Variants in CACNA2D3 observed in about 807,000 individuals in gnomAD.
CACNA2D3 encodes the protein calcium voltage-gated channel auxiliary subunit alpha2delta 3.
A neutral mutation model predicts 160.6 loss-of-function variants in CACNA2D3; 60 were observed. The ratio of observed to expected loss-of-function variants is 0.37; its 90% CI spans 0.30 to 0.46. CACNA2D3 has a LOEUF of 0.46. CACNA2D3 is among the 20% of genes least tolerant of loss of function. CACNA2D3 has a pLI of 1.00. For missense variants in CACNA2D3, 1,205 were observed against 1,365.0 expected (o/e 0.88, Z 1.85); for synonymous variants, 558 against 492.9 (o/e 1.13, Z -1.75).
At chr3:54,844,745 T>G (rs943951236) in intron 16 of CACNA2D3, among the ~76,000 whole-genome samples, 1 of 152,102 alleles carries the variant, frequency 6.6e-6, no homozygotes, top group African/African-American at 2.4e-5. Flanking sequence ...ACTATAAGAG[T>G]ACAGGCATTA....
At chr3:54,476,857 G>T (rs1373728175) in intron 4 of CACNA2D3, among the ~76,000 whole-genome samples, 3 of 152,136 alleles carry the variant, frequency 2.0e-5, no homozygotes, top group Admixed American at 6.6e-5. Context: ...GGATTTGAAG[G>T]CAGTTTCACA....
intron 2 of CACNA2D3, among the ~76,000 whole-genome samples, chr3:54,167,020 A>G (rs1700471856): frequency 6.6e-6 from 1 of 152,192 alleles, no homozygotes; most frequent in African/African-American, 2.4e-5. Context: ...GTTTTAGGGA[A>G]AAGGATTCCA....
chr3:54,623,386 C>A (rs1434143759), intron 9 of CACNA2D3, among the ~76,000 whole-genome samples: 1 of 152,182 alleles, frequency 6.6e-6, no homozygotes, highest in African/African-American at 2.4e-5. Flanking sequence ...GCTCAATGCC[C>A]GTGCACAACT....
chr3:54,793,614 C>T lies in CACNA2D3; in HGVS notation c.1381-23239C>T, dbSNP rs138760540. Among the ~76,000 whole-genome samples, 257 of 152,264 alleles carry T rather than the reference C, an allele frequency of 1.7e-3. 1 individual carries two copies. The highest frequency in any genetic ancestry group is 5.7e-3 in the African/African-American group (237 of 41,550). On this transcript the variant is annotated intron_variant, in intron 13 of 37. Transcript: ENST00000474759. ...TGGGGCAAAAGCCTCTTACAGCCCT[C>T]GCCTAGAACTCTAATGGATGAGGCC... is the stretch of plus-strand genomic sequence containing the variant.
rs1701572697 is a variant in CACNA2D3, at chr3:54,517,555, A to G, written c.544+13901A>G. 2.6e-5 allele frequency among the ~76,000 whole-genome samples: 4 copies of G among 152,226 alleles called. No individual in the cohort carries two copies. In the South Asian group the frequency reaches 8.3e-4, roughly 31 times the overall value. Reference sequence around the variant, plus strand: ...CACAGGCTGTGCCCACCTGCTGCACAGGCTGTAAACACTGAGTATCACCCA... The same window carrying G: ...CACAGGCTGTGCCCACCTGCTGCACGGGCTGTAAACACTGAGTATCACCCA... On this transcript the variant is annotated intron_variant, in intron 5 of 37. Coordinates refer to ENST00000474759, the MANE Select transcript of CACNA2D3 (RefSeq NM_018398.3).
intron 8 of CACNA2D3, among the ~76,000 whole-genome samples, chr3:54,576,387 T>G (rs1702582697): frequency 6.6e-6 from 1 of 152,178 alleles, no homozygotes; most frequent in Admixed American, 6.5e-5. Context: ...TTTGCATTGC[T>G]TTTAGATCCT....
intron 35 of CACNA2D3, among the ~76,000 whole-genome samples, chr3:55,058,128 T>A (rs1704411333): frequency 6.6e-6 from 1 of 152,210 alleles, no homozygotes; most frequent in South Asian, 2.1e-4. Flanking sequence ...TCAGAGTGAA[T>A]AATCATGCTA....
chr3:54,659,555 CTGTTGAGCTTCCT>C (rs1699932134), intron 11 of CACNA2D3, among the ~76,000 whole-genome samples: 1 of 152,174 alleles, frequency 6.6e-6, no homozygotes, highest in Non-Finnish European at 1.5e-5. Context: ...TACGGCTTCC[CTGTTGAGCTTCCT>C]TGGGAATGCA....
intron 31 of CACNA2D3, among the ~76,000 whole-genome samples, chr3:54,999,951 A>G (rs1213586634): frequency 6.6e-6 from 1 of 152,224 alleles, no homozygotes; most frequent in African/African-American, 2.4e-5. Flanking sequence ...CAGAGGCCGT[A>G]TCTGCCTTCT....
intron 11 of CACNA2D3, among the ~76,000 whole-genome samples, chr3:54,667,228 A>AT (rs34909822): frequency 0.24 from 36,962 of 151,768 alleles, 4,806 homozygotes; most frequent in African/African-American, 0.27. Context: ...ACCTTGAACT[A>AT]TTTTTTTTCA....
chr3:54,402,587 A>G (rs958784175), intron 4 of CACNA2D3, among the ~76,000 whole-genome samples: 15 of 152,216 alleles, frequency 9.9e-5, no homozygotes, highest in Non-Finnish European at 1.8e-4. Context: ...AAGAGGACAT[A>G]ATGTCTGTAA....
intron 13 of CACNA2D3, among the ~76,000 whole-genome samples, chr3:54,802,681 G>A (rs560369735): frequency 2.6e-5 from 4 of 152,156 alleles, no homozygotes; most frequent in Non-Finnish European, 5.9e-5. Flanking sequence ...AAATGTCCCT[G>A]TCTGACAGCT....
intron 2 of CACNA2D3, among the ~76,000 whole-genome samples, chr3:54,297,363 T>TTA (rs1703364789): frequency 6.6e-6 from 1 of 152,054 alleles, no homozygotes; most frequent in Non-Finnish European, 1.5e-5. Flanking sequence ...ATTATCCTTA[T>TTA]TATTATTATT....
intron 3 of CACNA2D3, among the ~76,000 whole-genome samples, chr3:54,337,077 TAGAC>T (rs145837278): frequency 0.016 from 2,470 of 151,834 alleles, 33 homozygotes; most frequent in South Asian, 0.045. Context: ...GAACGAGACA[TAGAC>T]AGACAGACAG....
At chr3:54,312,309 A>G (rs965638585) in intron 2 of CACNA2D3, among the ~76,000 whole-genome samples, 2 of 152,204 alleles carry the variant, frequency 1.3e-5, no homozygotes, top group Non-Finnish European at 2.9e-5. Context: ...GAGAAAATCT[A>G]GCCAAGAGAC....
At chr3:54,891,554 AT>A in intron 25 of CACNA2D3, 104 bp downstream of exon 25, 1 of 909,332 alleles carries the variant, frequency 1.1e-6, no homozygotes, top group Non-Finnish European at 1.7e-6. Context: ...TAGAAACATA[AT>A]TTAGGCCACC....
At chr3:54,964,409 AT>A (rs35654800) in intron 27 of CACNA2D3, among the ~76,000 whole-genome samples, 58,119 of 150,178 alleles carry the variant, frequency 0.39, 12,727 homozygotes, top group East Asian at 0.56. Flanking sequence ...AGGAATGGTG[AT>A]TTTTTTTTTT....
rs148952442 is a variant in CACNA2D3, at chr3:54,359,893, C to T, written c.322-26822C>T. Among the ~76,000 whole-genome samples the T allele has an allele frequency of 5.3e-4, 81 of 152,254 alleles. No individual in the cohort carries two copies. The East Asian group carries it at 0.012, about 23-fold the overall frequency. ...CTTCATGGGGCCATCTAAGGTTTGG[C>T]AAAGAGAGTCATGCTCAGACCTCTA... On this transcript the variant is annotated intron_variant, in intron 3 of 37. Coordinates refer to ENST00000474759, the MANE Select transcript of CACNA2D3 (RefSeq NM_018398.3).
chr3:54,855,721 G>A (rs1460179733), intron 17 of CACNA2D3, among the ~76,000 whole-genome samples: 2 of 152,198 alleles, frequency 1.3e-5, no homozygotes, highest in Admixed American at 6.5e-5. Flanking sequence ...TGTAGTGGGA[G>A]TGGAGAATTT....
Sources: gnomAD v4.1 joint callset for allele counts (sites outside exome capture counted in the v4.1 genomes callset) on GRCh38, gnomAD v4.1.1 for gene constraint, MANE v1.5 for transcripts, NCBI Gene and HGNC (gene_info 2026-07-23, HGNC 2026-07-21) for gene names.